Variants in FBXL14 observed in about 807,000 individuals in gnomAD.
FBXL14 encodes F-box and leucine rich repeat protein 14.
FBXL14 carries 11 observed loss-of-function variants against 24.5 expected under a neutral mutation model. The ratio of observed to expected loss-of-function variants is 0.45; its 90% CI spans 0.28 to 0.74. The LOEUF (loss-of-function observed/expected upper bound fraction) is 0.74, where lower values mean the gene tolerates loss of function less well. Among genes scored for constraint, FBXL14 ranks in the 30% least tolerant of loss-of-function variants. The probability of loss-of-function intolerance (pLI) is 0.12; values close to 1 mark genes in which losing one functional copy is unlikely to be tolerated. For missense variants in FBXL14, 384 were observed against 545.6 expected (o/e 0.70, Z 2.95); for synonymous variants, 294 against 240.4 (o/e 1.22, Z -2.06).
intron 1 of FBXL14, among the ~76,000 whole-genome samples, chr12:1,585,546 T>C (rs1446265485): frequency 6.6e-6 from 1 of 152,238 alleles, no homozygotes; most frequent in African/African-American, 2.4e-5. Context: ...CAAGCCATAG[T>C]AATTCCACAT....
chr12:1,592,255 CCAT>C (rs2094492155), intron 1 of FBXL14, among the ~76,000 whole-genome samples: 3 of 146,292 alleles, frequency 2.1e-5, no homozygotes, highest in South Asian at 2.1e-4. Context: ...GAAAAAAGGA[CCAT>C]GATTTCAAAT....
intron 1 of FBXL14, among the ~76,000 whole-genome samples, chr12:1,570,565 G>A (rs1422667320): frequency 2.0e-5 from 3 of 152,126 alleles, no homozygotes; most frequent in African/African-American, 4.8e-5. Flanking sequence ...CTGATTTCAC[G>A]CCGTGGGGTT....
intron 1 of FBXL14, among the ~76,000 whole-genome samples, chr12:1,587,003 C>T (rs375307296): frequency 5.9e-5 from 9 of 151,936 alleles, no homozygotes; most frequent in East Asian, 3.9e-4. Flanking sequence ...TTTGGGAGGC[C>T]GAGGCGGGCG....
chr12:1,570,300 C>A (rs1251626828), intron 1 of FBXL14, among the ~76,000 whole-genome samples: 1 of 152,234 alleles, frequency 6.6e-6, no homozygotes, highest in Non-Finnish European at 1.5e-5. Flanking sequence ...TGGGGCCAAA[C>A]CTGCTGGGGA....
At chr12:1,592,228 A>G (rs1270565443) in intron 1 of FBXL14, among the ~76,000 whole-genome samples, 1 of 147,474 alleles carries the variant, frequency 6.8e-6, no homozygotes, top group Non-Finnish European at 1.5e-5. Context: ...TATATAATAT[A>G]TAGAATATAT....
chr12:1,590,142 CTT>C (rs57694174), intron 1 of FBXL14, among the ~76,000 whole-genome samples: 1 of 147,286 alleles, frequency 6.8e-6, no homozygotes. Context: ...AGGCTTCACA[CTT>C]TTTTTTTTTT....
In FBXL14 at chr12:1,592,875, T is replaced by C. The variant is rs199915869; in HGVS notation, c.1192A>G (p.Lys398Glu). The C allele has an allele frequency of 1.3e-6, 2 of 1,564,668 alleles. No homozygotes were observed. The highest frequency in any genetic ancestry group is 1.7e-6 in the Non-Finnish European group (2 of 1,150,698). Reference protein sequence around the residue: ...LGLWQMTDSEKEARGDFSPLF... With the variant: ...LGLWQMTDSEEEARGDFSPLF... ...TGGTGCTGCCGCCCTCACCTGACCT[T>C]CTCACTGTCCGTCATCTGCCAGAGT... The change falls in exon 1 of 2, where the codon AAG (lysine) becomes GAG (glutamate). Residue 398 changes from lysine (K) to glutamate (E), a missense_variant and splice_region_variant. Transcript: ENST00000339235.
chr12:1,576,522 T>C (rs908049387), intron 1 of FBXL14, among the ~76,000 whole-genome samples: 6 of 152,156 alleles, frequency 3.9e-5, no homozygotes, highest in African/African-American at 1.4e-4. Flanking sequence ...TCCCGCTCCT[T>C]ATCTGGACTG....
Position 1,594,163 on chromosome 12 carries a change from G to GCCA in FBXL14, c.-98_-97insTGG. The GCCA allele has an allele frequency of 7.9e-6, 7 of 883,188 alleles. No homozygotes were observed. Among genetic ancestry groups the GCCA allele is most frequent in the Non-Finnish European group, 1.0e-5 (7 of 690,686 alleles). 54.7% of individuals were successfully genotyped at this position (883,188 alleles called of 1,614,324 possible). On this transcript the variant is annotated 5_prime_UTR_variant, in exon 1 of 2. Transcript: ENST00000339235. ...ACGAGAGCGCTTCTCCCCAGCCGCCGCCGCCGCCGCCGCCGCCGCCTCGGG... is the reference window on the plus strand; with the variant it reads ...ACGAGAGCGCTTCTCCCCAGCCGCCGCCACCGCCGCCGCCGCCGCCGCCTCGGG...
chr12:1,589,168 G>A (rs774842289), intron 1 of FBXL14, among the ~76,000 whole-genome samples: 9 of 148,204 alleles, frequency 6.1e-5, no homozygotes, highest in Non-Finnish European at 1.0e-4. Context: ...TGGGCAGATC[G>A]CTTGAGCCCA....
Position 1,566,243 on chromosome 12 carries a change from T to C in FBXL14, c.*505A>G, listed in dbSNP as rs1325758182. ...CTGCTAGGCAGGTCATCCAGATGTA[T>C]TTTCTTTGGGGAGTTGTGAATTCCT... is the stretch of plus-strand genomic sequence containing the variant. On this transcript the variant is annotated 3_prime_UTR_variant, in exon 2 of 2. Transcript: ENST00000339235. 3 of 152,546 alleles carry C rather than the reference T, an allele frequency of 2.0e-5. No individual in the cohort carries two copies. Among genetic ancestry groups the C allele is most frequent in the Non-Finnish European group, 4.4e-5 (3 of 68,052 alleles). 9.4% of individuals were successfully genotyped at this position (152,546 alleles called of 1,614,324 possible).
chr12:1,573,490 G>C (rs1470026217), intron 1 of FBXL14, among the ~76,000 whole-genome samples: 1 of 152,118 alleles, frequency 6.6e-6, no homozygotes, highest in East Asian at 1.9e-4. Flanking sequence ...ACGACTAGGG[G>C]GTCCTTCTAG....
intron 1 of FBXL14, among the ~76,000 whole-genome samples, chr12:1,568,556 A>C (rs2094439915): frequency 6.6e-6 from 1 of 152,204 alleles, no homozygotes; most frequent in South Asian, 2.1e-4. Context: ...TAATAACAAC[A>C]ATGTATTCAA....
intron 1 of FBXL14, among the ~76,000 whole-genome samples, chr12:1,584,914 A>T (rs1331256263): frequency 6.6e-6 from 1 of 152,206 alleles, no homozygotes; most frequent in African/African-American, 2.4e-5. Flanking sequence ...TCCATCTGAG[A>T]ACATGAAGCA....
intron 1 of FBXL14, among the ~76,000 whole-genome samples, chr12:1,577,257 G>A (rs1297963621): frequency 2.6e-5 from 4 of 152,192 alleles, no homozygotes; most frequent in Non-Finnish European, 5.9e-5. Context: ...TCTCCTAGCC[G>A]CGCTGAGCGT....
At chr12:1,573,807 C>G (rs564988564) in intron 1 of FBXL14, among the ~76,000 whole-genome samples, 1 of 152,236 alleles carries the variant, frequency 6.6e-6, no homozygotes, top group African/African-American at 2.4e-5. Flanking sequence ...GAGTTTGAGA[C>G]CAGCCTGACC....
intron 1 of FBXL14, among the ~76,000 whole-genome samples, chr12:1,578,649 TA>T (rs1347838436): frequency 6.6e-6 from 1 of 151,940 alleles, no homozygotes; most frequent in Non-Finnish European, 1.5e-5. Context: ...TAAAATAAAA[TA>T]AAACAATGGA....
At chr12:1,574,492 C>G (rs12812525) in intron 1 of FBXL14, among the ~76,000 whole-genome samples, 6 of 4,052 alleles carry the variant, frequency 1.5e-3, no homozygotes, top group Non-Finnish European at 2.0e-3. Context: ...GGGAGGCTGG[C>G]AGCAGCGGTG....
intron 1 of FBXL14, among the ~76,000 whole-genome samples, chr12:1,570,911 C>T (rs372166166): frequency 3.9e-5 from 6 of 152,130 alleles, no homozygotes; most frequent in East Asian, 3.9e-4. Flanking sequence ...CCTAGTGTCG[C>T]CATGTAATGC....
Sources: gnomAD v4.1 joint callset for allele counts (sites outside exome capture counted in the v4.1 genomes callset) on GRCh38, gnomAD v4.1.1 for gene constraint, MANE v1.5 for transcripts, NCBI Gene and HGNC (gene_info 2026-07-23, HGNC 2026-07-21) for gene names.